Variants in SLC5A4 observed in about 807,000 individuals in gnomAD.
SLC5A4 encodes the protein probable glucose sensor protein SLC5A4.
A neutral mutation model predicts 70.3 loss-of-function variants in SLC5A4; 55 were observed. The observed-to-expected ratio is 0.78, with a 90% CI of 0.63 to 0.98. SLC5A4 has a LOEUF of 0.98. SLC5A4 is among the 50% of genes least tolerant of loss of function. SLC5A4 has a pLI of 0.00. For missense variants in SLC5A4, 735 were observed against 839.2 expected (o/e 0.88, Z 1.53); for synonymous variants, 268 against 305.7 (o/e 0.88, Z 1.29).
At chr22:32,291,394 G>C in the SLC5A4 span, among the ~76,000 whole-genome samples, 1 of 151,932 alleles carries the variant, frequency 6.6e-6, no homozygotes, top group Non-Finnish European at 1.5e-5. Flanking sequence ...GGTCAGGCTG[G>C]TCTTGAACTC....
the SLC5A4 span, among the ~76,000 whole-genome samples, chr22:32,316,881 T>C: frequency 1.3e-5 from 2 of 151,692 alleles, no homozygotes; most frequent in East Asian, 3.9e-4. Context: ...CCATATGCAG[T>C]TGGCAAAAAC....
At chr22:32,315,309 T>C in the SLC5A4 span, among the ~76,000 whole-genome samples, 8 of 151,652 alleles carry the variant, frequency 5.3e-5, no homozygotes, top group Non-Finnish European at 1.2e-4. Context: ...TAATAAAAAG[T>C]AGGAGGGGTG....
Position 32,235,007 on chromosome 22 carries a change from T to C in SLC5A4, c.751A>G (p.Ile251Val). 2 of 1,613,782 alleles carry C rather than the reference T, an allele frequency of 1.2e-6. No individual in the cohort carries two copies. The highest frequency in any genetic ancestry group is 1.7e-6 in the Non-Finnish European group (2 of 1,179,936). The change falls in exon 8 of 15, where the codon ATC (isoleucine) becomes GTC (valine). Residue 251 changes from isoleucine to valine, a missense_variant. Physicochemically the swap from Ile to Val is conservative, Grantham distance 29. Transcript: ENST00000266086. ...CGAGGTGTGTAGCAACTGGCACTGATTGTCAAGTTGTCCCCCTCGACTACG... is the reference window on the plus strand; with the variant it reads ...CGAGGTGTGTAGCAACTGGCACTGACTGTCAAGTTGTCCCCCTCGACTACG... ...PSVVEGDNLTISASCYTPRAD... is the reference protein window; with the variant it reads ...PSVVEGDNLTVSASCYTPRAD...
intron 6 of SLC5A4, among the ~76,000 whole-genome samples, chr22:32,238,458 T>C (rs946927478): frequency 2.6e-5 from 4 of 152,224 alleles, no homozygotes; most frequent in Non-Finnish European, 5.9e-5. Context: ...CTTTAATTTT[T>C]ATGTTAGTAT....
the SLC5A4 span, among the ~76,000 whole-genome samples, chr22:32,305,598 G>A: frequency 1.4e-5 from 2 of 148,050 alleles, no homozygotes; most frequent in African/African-American, 2.5e-5. Flanking sequence ...ATCTGGTGCC[G>A]CTTTTCTCCA....
upstream of SLC5A4, among the ~76,000 whole-genome samples, chr22:32,255,523 A>G (rs1050342912): frequency 1.3e-5 from 2 of 152,106 alleles, no homozygotes; most frequent in African/African-American, 4.8e-5. Context: ...GAGTGTGAGA[A>G]TGAGGGATGC....
chr22:32,249,547 T>A (rs528686260), intron 3 of SLC5A4, among the ~76,000 whole-genome samples: 1 of 152,322 alleles, frequency 6.6e-6, no homozygotes, highest in African/African-American at 2.4e-5. Context: ...TGGATACTAC[T>A]GAAGTAAATG....
chr22:32,310,223 T>C, the SLC5A4 span, among the ~76,000 whole-genome samples: 1 of 152,108 alleles, frequency 6.6e-6, no homozygotes. Context: ...AGTTCCTTTT[T>C]GGCAGAGTAA....
At chr22:32,326,943 G>A in the SLC5A4 span, among the ~76,000 whole-genome samples, 10 of 152,166 alleles carry the variant, frequency 6.6e-5, no homozygotes, top group African/African-American at 2.2e-4. Flanking sequence ...AGCAGGCAAG[G>A]AAATGGACTC....
the SLC5A4 span, chr22:32,270,432 G>T: frequency 7.6e-7 from 1 of 1,320,662 alleles, no homozygotes; most frequent in Admixed American, 1.8e-5. Context: ...TCGCCCTGGT[G>T]CCTAAGGAGG....
chr22:32,303,336 G>A, the SLC5A4 span, among the ~76,000 whole-genome samples: 1 of 152,212 alleles, frequency 6.6e-6, no homozygotes, highest in African/African-American at 2.4e-5. Context: ...GTAAGTAAGA[G>A]ACAAATGTTT....
intron 5 of SLC5A4, among the ~76,000 whole-genome samples, chr22:32,245,792 TAC>T (rs1208548666): frequency 5.9e-5 from 9 of 152,364 alleles, no homozygotes; most frequent in African/African-American, 1.9e-4. Context: ...GTGTTGGGAT[TAC>T]AGGCGTGAGC....
the SLC5A4 span, among the ~76,000 whole-genome samples, chr22:32,329,827 T>G: frequency 1.2e-4 from 3 of 25,740 alleles, no homozygotes; most frequent in Admixed American, 6.3e-4. Context: ...GTGTGTGTGT[T>G]GGGGGCTCTG....
chr22:32,338,632 G>A, the SLC5A4 span, among the ~76,000 whole-genome samples: 15 of 152,314 alleles, frequency 9.8e-5, no homozygotes, highest in African/African-American at 3.6e-4. Flanking sequence ...TCACACCACT[G>A]CACTCCAGCC....
chr22:32,310,061 G>C, the SLC5A4 span, among the ~76,000 whole-genome samples: 4 of 148,856 alleles, frequency 2.7e-5, no homozygotes, highest in Non-Finnish European at 6.0e-5. Context: ...GGGTGGGGAG[G>C]GGGGAGGGAG....
chr22:32,309,211 A>G, the SLC5A4 span, among the ~76,000 whole-genome samples: 1 of 152,180 alleles, frequency 6.6e-6, no homozygotes, highest in Non-Finnish European at 1.5e-5. Context: ...AGAGATTCCA[A>G]AACACACAAT....
At chr22:32,311,065 C>T in the SLC5A4 span, among the ~76,000 whole-genome samples, 12 of 152,186 alleles carry the variant, frequency 7.9e-5, no homozygotes, top group African/African-American at 2.4e-4. Context: ...GCCCATTACT[C>T]GGTCCTGTGT....
chr22:32,315,378 G>A, the SLC5A4 span, among the ~76,000 whole-genome samples: 1 of 152,022 alleles, frequency 6.6e-6, no homozygotes, highest in Non-Finnish European at 1.5e-5. Flanking sequence ...TATAGTTGGA[G>A]GTCTAAATTA....
the SLC5A4 span, among the ~76,000 whole-genome samples, chr22:32,305,667 G>A: frequency 2.3e-5 from 3 of 131,436 alleles, no homozygotes; most frequent in Non-Finnish European, 4.8e-5. Context: ...TGTGTTCAGC[G>A]TGAGGGACAC....
Sources: allele counts gnomAD v4.1 joint callset (sites outside exome capture counted in the v4.1 genomes callset), GRCh38; gene constraint gnomAD v4.1.1; transcripts MANE v1.5; gene names NCBI Gene and HGNC (gene_info 2026-07-23, HGNC 2026-07-21).